The following PDE4B variants were observed in gnomAD, a reference collection of about 807,000 sequenced individuals.
PDE4B encodes the protein 3',5'-cyclic-AMP phosphodiesterase 4B.
PDE4B carries 20 observed loss-of-function variants against 82.2 expected under a neutral mutation model. That is an observed-to-expected ratio of 0.24 (90% CI 0.17 to 0.35). PDE4B has a LOEUF of 0.35. Among genes scored for constraint, PDE4B ranks in the 10% least tolerant of loss-of-function variants. PDE4B has a pLI of 1.00. For synonymous variants in PDE4B, 320 were observed against 318.9 expected (o/e 1.00, Z -0.04); for missense variants, 655 against 907.2 (o/e 0.72, Z 3.57).
intron 4 of PDE4B, among the ~76,000 whole-genome samples, chr1:66,251,768 T>G (rs1271934639): frequency 1.3e-5 from 2 of 151,988 alleles, no homozygotes; most frequent in Non-Finnish European, 1.5e-5. Context: ...GAACCACAGC[T>G]CAGTGTGGTT....
intron 6 of PDE4B, among the ~76,000 whole-genome samples, chr1:66,263,750 A>C (rs1379939647): frequency 2.0e-5 from 3 of 152,170 alleles, no homozygotes; most frequent in African/African-American, 7.2e-5. Context: ...CCTTTGGAGA[A>C]GGTTTGATGG....
intron 1 of PDE4B, among the ~76,000 whole-genome samples, chr1:65,830,408 A>G (rs1357319588): frequency 6.6e-6 from 1 of 152,186 alleles, no homozygotes; most frequent in Non-Finnish European, 1.5e-5. Flanking sequence ...GCAAAAGGAA[A>G]TAAAGTCGCT....
intron 3 of PDE4B, among the ~76,000 whole-genome samples, chr1:66,047,612 G>A (rs748513217): frequency 4.0e-5 from 6 of 151,116 alleles, no homozygotes; most frequent in Non-Finnish European, 5.9e-5. Context: ...TATTTTAGAG[G>A]TGGCAGAAAG....
intron 3 of PDE4B, among the ~76,000 whole-genome samples, chr1:66,237,387 G>A (rs1179523460): frequency 2.6e-5 from 4 of 152,122 alleles, no homozygotes; most frequent in Admixed American, 6.5e-5. Flanking sequence ...CCACCAAAAA[G>A]ACAATATATG....
At chr1:66,307,851 A>T (rs929812150) in intron 7 of PDE4B, among the ~76,000 whole-genome samples, 2 of 152,138 alleles carry the variant, frequency 1.3e-5, no homozygotes, top group Admixed American at 1.3e-4. Flanking sequence ...TAAAGAGTCA[A>T]GCAGACTGGG....
intron 3 of PDE4B, among the ~76,000 whole-genome samples, chr1:66,162,601 AT>A (rs1050909805): frequency 2.0e-5 from 3 of 151,516 alleles, no homozygotes; most frequent in Admixed American, 6.6e-5. Flanking sequence ...CAGATTTTGG[AT>A]TTTTTTTCAG....
At chr1:66,287,942 C>G (rs1161860550) in intron 7 of PDE4B, among the ~76,000 whole-genome samples, 1 of 151,944 alleles carries the variant, frequency 6.6e-6, no homozygotes, top group Non-Finnish European at 1.5e-5. Flanking sequence ...CCACTGCACT[C>G]CAGCCTGGGT....
chr1:66,265,849 A>G (rs1403268393), intron 6 of PDE4B, among the ~76,000 whole-genome samples, 189 bp from the exon 7 acceptor site: 1 of 152,188 alleles, frequency 6.6e-6, no homozygotes, highest in Non-Finnish European at 1.5e-5. Context: ...ATTCCAGGCC[A>G]TCTGGATGTG....
intron 3 of PDE4B, among the ~76,000 whole-genome samples, chr1:66,196,182 A>G (rs1314880298): frequency 6.6e-6 from 1 of 152,228 alleles, no homozygotes; most frequent in Non-Finnish European, 1.5e-5. Context: ...CTAGCCTGCC[A>G]AGGGCAAATA....
chr1:66,332,423 G>C, intron 7 of PDE4B, 85 bp from the exon 8 acceptor site: 1 of 1,614,170 alleles, frequency 6.2e-7, no homozygotes, highest in Non-Finnish European at 8.5e-7. Context: ...CAGTAGCACC[G>C]GAATCAGCGG....
intron 3 of PDE4B, among the ~76,000 whole-genome samples, chr1:66,098,616 A>C (rs1231229358): frequency 2.6e-5 from 4 of 152,126 alleles, no homozygotes; most frequent in Non-Finnish European, 2.9e-5. Context: ...TCAAGAGGTT[A>C]GTTTTAAATT....
chr1:66,071,642 C>CCAG, intron 3 of PDE4B, among the ~76,000 whole-genome samples: 1 of 152,024 alleles, frequency 6.6e-6, no homozygotes, highest in Admixed American at 6.6e-5. Flanking sequence ...TGGCTGTCAC[C>CCAG]TCTTGTCATC....
chr1:65,972,709 C>G (rs996926095), intron 3 of PDE4B, among the ~76,000 whole-genome samples: 1 of 152,132 alleles, frequency 6.6e-6, no homozygotes, highest in African/African-American at 2.4e-5. Context: ...TACTCTGATT[C>G]ACTTAGTGTT....
At chr1:66,057,061 C>G (rs1333836151) in intron 3 of PDE4B, among the ~76,000 whole-genome samples, 1 of 152,166 alleles carries the variant, frequency 6.6e-6, no homozygotes, top group African/African-American at 2.4e-5. Flanking sequence ...ATATTCATCT[C>G]TAGCATAATC....
chr1:66,164,535 C>CAAAAAAAAAAAAAAAAAA (rs10718019), intron 3 of PDE4B, among the ~76,000 whole-genome samples: 11 of 48,558 alleles, frequency 2.3e-4, no homozygotes, highest in East Asian at 7.1e-4. Context: ...GACTCCGTCT[C>CAAAAAAAAAAAAAAAAAA]AAAAAAAAAA....
intron 3 of PDE4B, among the ~76,000 whole-genome samples, chr1:66,139,746 A>AAC (rs1553150715): frequency 1.1e-4 from 16 of 149,044 alleles, no homozygotes; most frequent in African/African-American, 3.7e-4. Flanking sequence ...AAAAAAAAAA[A>AAC]AAAAAACAAA....
At chr1:66,074,455 T>A (rs1656314903) in intron 3 of PDE4B, among the ~76,000 whole-genome samples, 1 of 152,150 alleles carries the variant, frequency 6.6e-6, no homozygotes, top group Admixed American at 6.5e-5. Flanking sequence ...GAGCAATGCC[T>A]TTATTTAAAT....
At chr1:65,947,698 G>A (rs1232444315) in intron 3 of PDE4B, among the ~76,000 whole-genome samples, 1 of 151,950 alleles carries the variant, frequency 6.6e-6, no homozygotes, top group Non-Finnish European at 1.5e-5. Context: ...AAATCTGGAG[G>A]CAGAGATTGG....
intron 3 of PDE4B, among the ~76,000 whole-genome samples, chr1:66,182,522 G>A (rs1647089536): frequency 6.6e-6 from 1 of 151,446 alleles, no homozygotes; most frequent in Non-Finnish European, 1.5e-5. Context: ...TAGGGAAAAA[G>A]CTGAAGAGAT....
Sources: gnomAD v4.1 joint callset for allele counts (sites outside exome capture counted in the v4.1 genomes callset) on GRCh38, gnomAD v4.1.1 for gene constraint, MANE v1.5 for transcripts, NCBI Gene and HGNC (gene_info 2026-07-23, HGNC 2026-07-21) for gene names.